MAML2: variants seen among roughly 807,000 people sequenced by gnomAD.
MAML2 encodes the protein mastermind like transcriptional coactivator 2.
A neutral mutation model predicts 96.1 loss-of-function variants in MAML2; 22 were observed. That is an observed-to-expected ratio of 0.23 (90% CI 0.16 to 0.33). The LOEUF is 0.33. MAML2 is among the 10% of genes least tolerant of loss of function. MAML2 has a pLI of 1.00. For synonymous variants in MAML2, 561 were observed against 521.3 expected, an observed-to-expected ratio of 1.08 and a Z score of -1.04; for missense variants, 1,367 against 1,392.4, an observed-to-expected ratio of 0.98 and a Z score of 0.29.
At chr11:96,167,822 G>A (rs1271134065) in intron 1 of MAML2, among the ~76,000 whole-genome samples, 1 of 152,174 alleles carries the variant, frequency 6.6e-6, no homozygotes, top group Non-Finnish European at 1.5e-5. Context: ...TTCTCACTGA[G>A]CCATATATTT....
chr11:96,088,513 T>G (rs1010647567), intron 2 of MAML2, among the ~76,000 whole-genome samples: 4 of 152,192 alleles, frequency 2.6e-5, no homozygotes, highest in African/African-American at 9.7e-5. Flanking sequence ...CAGAAATGCA[T>G]TCATTGCATC....
At chr11:96,076,415 T>TTG (rs1434637407) in intron 2 of MAML2, among the ~76,000 whole-genome samples, 5 of 132,748 alleles carry the variant, frequency 3.8e-5, no homozygotes, top group African/African-American at 1.6e-4. Flanking sequence ...CTGCTCTCTT[T>TTG]TGTCTCTCTC....
At chr11:96,064,615 G>A (rs1419466069) in intron 2 of MAML2, among the ~76,000 whole-genome samples, 4 of 152,136 alleles carry the variant, frequency 2.6e-5, no homozygotes, top group Non-Finnish European at 5.9e-5. Flanking sequence ...GAATAATAAA[G>A]TTCACTATTA....
Position 96,326,912 on chromosome 11 carries a change from T to C in MAML2, c.513+14471A>G, listed in dbSNP as rs117638094. Among the ~76,000 whole-genome samples, 691 of 152,308 alleles carry C rather than the reference T, an allele frequency of 4.5e-3. 6 individuals carry two copies. The highest frequency in any genetic ancestry group is 6.8e-3 in the Non-Finnish European group (462 of 68,032). On this transcript the variant is annotated intron_variant, in intron 1 of 4. Transcript: ENST00000524717. ...TAGGGCTTGGAATACTTATGGTGAA[T>C]AAAACTGCCCAGGTTCTTGGTCTCA...
At chr11:96,197,459 A>T (rs192445204) in intron 1 of MAML2, among the ~76,000 whole-genome samples, 2 of 152,298 alleles carry the variant, frequency 1.3e-5, no homozygotes, top group East Asian at 3.9e-4. Flanking sequence ...CAGAGAAGCA[A>T]TTGTTTCACA....
intron 2 of MAML2, among the ~76,000 whole-genome samples, chr11:96,077,824 A>G (rs1859468147): frequency 6.6e-6 from 1 of 152,154 alleles, no homozygotes; most frequent in Non-Finnish European, 1.5e-5. Context: ...TAGAAATACA[A>G]CTGATGACTC....
intron 1 of MAML2, among the ~76,000 whole-genome samples, chr11:96,248,798 T>C (rs2135965380): frequency 6.6e-6 from 1 of 152,334 alleles, no homozygotes; most frequent in East Asian, 1.9e-4. Context: ...CTCATTTCAT[T>C]TCTTATGGAT....
At chr11:96,237,604 T>A (rs563038244) in intron 1 of MAML2, among the ~76,000 whole-genome samples, 1 of 152,346 alleles carries the variant, frequency 6.6e-6, no homozygotes, top group African/African-American at 2.4e-5. Context: ...TATTTTTCAA[T>A]CTATAGCAGC....
intron 2 of MAML2, among the ~76,000 whole-genome samples, chr11:96,091,659 C>G (rs894747031): frequency 1.3e-5 from 2 of 152,128 alleles, no homozygotes; most frequent in Admixed American, 6.6e-5. Context: ...TAAGCAAGAA[C>G]CTTTGATCAT....
Position 96,142,757 on chromosome 11 carries a change from T to C in MAML2, c.514-49240A>G, listed in dbSNP as rs147436088. Among the ~76,000 whole-genome samples, 186 of 152,320 alleles carry C rather than the reference T, an allele frequency of 1.2e-3. 1 individual carries two copies. Among genetic ancestry groups the C allele is most frequent in the Non-Finnish European group, 2.1e-3 (145 of 68,030 alleles). ...GCATTGATGAGGTTATTGCTTCTCCTCTTGACGTATCTCTCCATCAGGTTT... is the reference window on the plus strand; with the variant it reads ...GCATTGATGAGGTTATTGCTTCTCCCCTTGACGTATCTCTCCATCAGGTTT... On this transcript the variant is annotated intron_variant, in intron 1 of 4. Transcript: ENST00000524717.
chr11:96,110,207 G>A (rs529261348), intron 1 of MAML2, among the ~76,000 whole-genome samples: 3 of 152,260 alleles, frequency 2.0e-5, no homozygotes, highest in African/African-American at 7.2e-5. Context: ...GGGAAACAAA[G>A]TAGGTAGATT....
chr11:96,061,840 A>G (rs1859165394), intron 2 of MAML2, among the ~76,000 whole-genome samples: 1 of 151,088 alleles, frequency 6.6e-6, no homozygotes, highest in South Asian at 2.1e-4. Flanking sequence ...AGGGGAAAGT[A>G]TCTTAAATTT....
chr11:96,284,968 G>A (rs1863118367), intron 1 of MAML2, among the ~76,000 whole-genome samples: 2 of 152,208 alleles, frequency 1.3e-5, no homozygotes, highest in Middle Eastern at 3.4e-3. Flanking sequence ...TGCCGTATAT[G>A]GCTGGATGGA....
At chr11:96,022,342 A>G (rs1037413456) in intron 2 of MAML2, among the ~76,000 whole-genome samples, 2 of 152,100 alleles carry the variant, frequency 1.3e-5, no homozygotes, top group African/African-American at 4.8e-5. Context: ...TGCCTTTCTC[A>G]TTATGCCCTG....
intron 1 of MAML2, among the ~76,000 whole-genome samples, chr11:96,274,325 G>A (rs1862957641): frequency 6.6e-6 from 1 of 151,872 alleles, no homozygotes; most frequent in Non-Finnish European, 1.5e-5. Flanking sequence ...CTTGTGATCG[G>A]CCCACCTCGG....
At chr11:96,028,437 T>C (rs975062559) in intron 2 of MAML2, among the ~76,000 whole-genome samples, 1 of 152,332 alleles carries the variant, frequency 6.6e-6, no homozygotes, top group Non-Finnish European at 1.5e-5. Context: ...TGTCCCCTAA[T>C]ATTGTCCTCT....
chr11:96,041,652 G>C (rs961045099), intron 2 of MAML2, among the ~76,000 whole-genome samples: 7 of 152,112 alleles, frequency 4.6e-5, no homozygotes, highest in African/African-American at 7.2e-5. Context: ...GTTTCAGTCA[G>C]TAGGAACCTC....
chr11:96,176,022 T>C (rs377197515), intron 1 of MAML2, among the ~76,000 whole-genome samples: 1 of 152,216 alleles, frequency 6.6e-6, no homozygotes, highest in East Asian at 1.9e-4. Context: ...TGTATAGTGC[T>C]TTATTGTTTA....
intron 1 of MAML2, among the ~76,000 whole-genome samples, chr11:96,096,304 G>C (rs1859827650): frequency 6.6e-6 from 1 of 152,128 alleles, no homozygotes; most frequent in Non-Finnish European, 1.5e-5. Context: ...GACAGTAATA[G>C]AATTAGTGAT....
Sources: gnomAD v4.1 joint callset for allele counts (sites outside exome capture counted in the v4.1 genomes callset) on GRCh38, gnomAD v4.1.1 for gene constraint, MANE v1.5 for transcripts, NCBI Gene and HGNC (gene_info 2026-07-23, HGNC 2026-07-21) for gene names.